ASTN2: variants seen among roughly 807,000 people sequenced by gnomAD.
The protein encoded by ASTN2 is astrotactin-2.
A neutral mutation model predicts 139.8 loss-of-function variants in ASTN2; 54 were observed. The observed-to-expected ratio is 0.39, with a 90% CI of 0.31 to 0.48. The LOEUF (loss-of-function observed/expected upper bound fraction) is 0.48. Ranked by LOEUF, ASTN2 falls within the 20% of genes least tolerant of loss-of-function variation. The pLI, the probability that ASTN2 is intolerant of heterozygous loss-of-function variation, is 0.95. For missense variants in ASTN2, 1,565 were observed against 1,725.1 expected, an observed-to-expected ratio of 0.91 and a Z score of 1.64; for synonymous variants, 756 against 719.5, an observed-to-expected ratio of 1.05 and a Z score of -0.81.
chr9:117,385,857 A>T (rs953561265), intron 1 of ASTN2, among the ~76,000 whole-genome samples: 3 of 152,196 alleles, frequency 2.0e-5, no homozygotes, highest in Non-Finnish European at 4.4e-5. Context: ...CTCTGCACCT[A>T]GGAGTTATAT....
At chr9:117,231,118 C>T (rs1832878337) in intron 2 of ASTN2, among the ~76,000 whole-genome samples, 1 of 152,234 alleles carries the variant, frequency 6.6e-6, no homozygotes, top group South Asian at 2.1e-4. Context: ...TTTCTGATCA[C>T]AGCAGGTCAA....
At chr9:117,199,075 G>A (rs1831611134) in intron 3 of ASTN2, among the ~76,000 whole-genome samples, 1 of 152,078 alleles carries the variant, frequency 6.6e-6, no homozygotes, top group African/African-American at 2.4e-5. Context: ...CTCCCATTCT[G>A]TAGGTTGCCT....
At chr9:116,635,138 G>A (rs1285716049) in intron 17 of ASTN2, among the ~76,000 whole-genome samples, 1 of 152,194 alleles carries the variant, frequency 6.6e-6, no homozygotes, top group African/African-American at 2.4e-5. Flanking sequence ...GTGGCAAAAT[G>A]AGAGCTTAAA....
At chr9:117,253,841 T>C (rs1334913133) in intron 2 of ASTN2, among the ~76,000 whole-genome samples, 1 of 152,146 alleles carries the variant, frequency 6.6e-6, no homozygotes, top group Non-Finnish European at 1.5e-5. Context: ...ACTACTGGCC[T>C]CGGAAATGCA....
chr9:116,892,530 A>G (rs1051463638), intron 10 of ASTN2, among the ~76,000 whole-genome samples: 10 of 152,052 alleles, frequency 6.6e-5, no homozygotes, highest in African/African-American at 2.4e-4. Flanking sequence ...GGTGAGAGCA[A>G]AAGAGAGAAG....
intron 2 of ASTN2, among the ~76,000 whole-genome samples, chr9:117,262,247 T>A (rs1272774706): frequency 1.3e-5 from 2 of 152,092 alleles, no homozygotes. Context: ...TGATCAAGAC[T>A]GCAATTTGTT....
intron 12 of ASTN2, among the ~76,000 whole-genome samples, chr9:116,808,889 T>A (rs2132251898): frequency 6.6e-6 from 1 of 152,338 alleles, no homozygotes; most frequent in South Asian, 2.1e-4. Context: ...TTTCCCTTGT[T>A]ACTGATTAGG....
intron 19 of ASTN2, among the ~76,000 whole-genome samples, chr9:116,602,583 T>C (rs1854962436): frequency 1.3e-5 from 2 of 152,202 alleles, no homozygotes; most frequent in Non-Finnish European, 2.9e-5. Context: ...AAAATTATAC[T>C]ACTCCATCAT....
rs535121691 is a variant in ASTN2 at position 116,487,534 on chromosome 9, C to T, written c.3356-34G>A. ...AGAAAAAGAAAGATGAGCTCCCCAG[C>T]TCAGGCCATAGTGAGGAGACGTTTT... On this transcript the variant is annotated intron_variant, in intron 19 of 22. Transcript: ENST00000313400. 5 of 1,605,954 alleles carry T rather than the reference C, an allele frequency of 3.1e-6. No individual in the cohort carries two copies. In the South Asian group the frequency reaches 5.5e-5, roughly 18 times the overall value.
intron 20 of ASTN2, among the ~76,000 whole-genome samples, chr9:116,476,061 G>C (rs1371450492): frequency 1.3e-5 from 2 of 152,176 alleles, no homozygotes; most frequent in Admixed American, 6.5e-5. Flanking sequence ...GAGTTCTAGA[G>C]GCTAGACGTG....
At chr9:116,845,521 A>C (rs1177558265) in intron 11 of ASTN2, among the ~76,000 whole-genome samples, 2 of 152,188 alleles carry the variant, frequency 1.3e-5, no homozygotes, top group Admixed American at 6.5e-5. Flanking sequence ...GCTTATGATA[A>C]AAAATGTGCC....
intron 19 of ASTN2, among the ~76,000 whole-genome samples, chr9:116,502,627 G>A (rs1423216899): frequency 6.7e-6 from 1 of 149,932 alleles, no homozygotes; most frequent in Non-Finnish European, 1.5e-5. Context: ...AGAGAAAATC[G>A]GGGTCAGAAA....
rs144190211 is a variant in ASTN2, at chr9:117,297,735, G to A, written c.443-6222C>T. Among the ~76,000 whole-genome samples the A allele has an allele frequency of 4.0e-4, 61 of 152,288 alleles. No homozygotes were observed. The East Asian group carries it at 9.1e-3, about 23-fold the overall frequency. On this transcript the variant is annotated intron_variant, in intron 1 of 22. Transcript: ENST00000313400. ...TAAAAATGCCATAGCTGTAGGAAAGGGCTACCATATAGCTACCAGATAAGA... is the reference window on the plus strand; with the variant it reads ...TAAAAATGCCATAGCTGTAGGAAAGAGCTACCATATAGCTACCAGATAAGA...
At position 116,862,819 on chromosome 9, in the gene ASTN2, C is replaced by T. The variant is rs543158412; in HGVS notation, c.2040+764G>A. Among the ~76,000 whole-genome samples, 105 of 69,090 alleles carry T rather than the reference C, an allele frequency of 1.5e-3. 1 individual carries two copies. Among genetic ancestry groups the T allele is most frequent in the Non-Finnish European group, 2.5e-3 (76 of 30,050 alleles). The allele number at this position is 69,090 out of a possible 152,430, so 45.3% of individuals were successfully genotyped here. On this transcript the variant is annotated intron_variant, in intron 11 of 22. Transcript: ENST00000313400. ...CAACACACACAAATACACACACACA[C>T]ACACACACACACACACACACACATA...
intron 2 of ASTN2, among the ~76,000 whole-genome samples, chr9:117,257,106 G>T (rs999485526): frequency 1.3e-5 from 2 of 152,156 alleles, no homozygotes; most frequent in Non-Finnish European, 2.9e-5. Flanking sequence ...AGATACACAA[G>T]CATCAAACGT....
At chr9:116,684,060 C>G (rs1024182414) in intron 16 of ASTN2, among the ~76,000 whole-genome samples, 2 of 152,184 alleles carry the variant, frequency 1.3e-5, no homozygotes, top group African/African-American at 4.8e-5. Flanking sequence ...CACTTTCTAA[C>G]AGGCCCAGGA....
chr9:117,350,554 A>T lies in ASTN2; in HGVS notation c.443-59041T>A, dbSNP rs541116220. 4.9e-5 allele frequency among the ~76,000 whole-genome samples: 7 copies of T among 143,890 alleles called. No individual in the cohort carries two copies. In the South Asian group the frequency reaches 1.5e-3, roughly 31 times the overall value. 94.4% of individuals were successfully genotyped at this position (143,890 alleles called of 152,430 possible). ...GGGCAACAGAACGAGACTCCATCTT[A>T]AAAAAAAAAAGGAAAGAAAGAAAAG... On this transcript the variant is annotated intron_variant, in intron 1 of 22. Coordinates refer to ENST00000313400, the MANE Select transcript of ASTN2 (RefSeq NM_001365068.1).
At chr9:116,880,625 G>T (rs1833428500) in intron 10 of ASTN2, among the ~76,000 whole-genome samples, 1 of 152,186 alleles carries the variant, frequency 6.6e-6, no homozygotes, top group South Asian at 2.1e-4. Flanking sequence ...TCCAAGGGTG[G>T]CTGGAGAATG....
At chr9:117,128,429 C>T (rs577679613) in intron 4 of ASTN2, among the ~76,000 whole-genome samples, 1 of 132,212 alleles carries the variant, frequency 7.6e-6, no homozygotes, top group East Asian at 2.3e-4. Context: ...ATACTTCAAA[C>T]ACTAATCTTA....
Sources: gnomAD v4.1 joint callset for allele counts (sites outside exome capture counted in the v4.1 genomes callset) on GRCh38, gnomAD v4.1.1 for gene constraint, MANE v1.5 for transcripts, NCBI Gene and HGNC (gene_info 2026-07-23, HGNC 2026-07-21) for gene names.